The following RTBDN variants were observed in gnomAD, a reference collection of about 807,000 sequenced individuals.
RTBDN encodes the protein retbindin.
In RTBDN, 24 loss-of-function variants were observed where a neutral mutation model predicts 21.9. The observed-to-expected ratio is 1.10, with a 90% CI of 0.79 to 1.54. RTBDN has a LOEUF of 1.54. RTBDN is among the 40% of genes most tolerant of loss of function. The probability of loss-of-function intolerance (pLI) is 0.00; values close to 1 mark genes in which losing one functional copy is unlikely to be tolerated. For missense variants in RTBDN, 325 were observed against 315.2 expected (o/e 1.03, Z -0.23); for synonymous variants, 141 against 125.9 (o/e 1.12, Z -0.80).
chr19:12,834,759 C>CA, upstream of RTBDN: 2 of 1,612,550 alleles, frequency 1.2e-6, no homozygotes, highest in Non-Finnish European at 1.7e-6. This position sits in a 1 kb window ranked among gnomAD's most constrained non-coding sequence, Gnocchi z 4.7. Context: ...AAGGCGGGGA[C>CA]AAACTCAGGT....
At position 12,828,779 on chromosome 19, in the gene RTBDN, G is replaced by A. The variant is rs1264322491; in HGVS notation, c.255-12C>T. 6.2e-7 allele frequency: 1 copy of A among 1,614,070 alleles called. No individual in the cohort carries two copies. The highest frequency in any genetic ancestry group is 1.7e-4 in the Middle Eastern group (1 of 6,060). On this transcript the variant is annotated splice_polypyrimidine_tract_variant and intron_variant, in intron 3 of 5. Coordinates refer to ENST00000674343, the MANE Select transcript of RTBDN (RefSeq NM_001270441.2). ...GGAAGGATTCGCATCTGGACGTTGG[G>A]AGAGATAGGGTCGGATGGGTCAGGA...
In RTBDN at chr19:12,826,778, T is replaced by C. The variant is rs143742194; in HGVS notation, c.459A>G (p.Gly153=). The C allele has an allele frequency of 4.5e-6, 7 of 1,548,038 alleles. No homozygotes were observed. In the African/African-American group the frequency reaches 6.9e-5, roughly 15 times the overall value. ...RGCEPSCLTY[G]QTFADGTDLC... ...TCACCTTCTGCCCCACGCTCACCTG[T>C]CCATAGGTAAGGCAGCTGGGCTCAC... is the stretch of plus-strand genomic sequence containing the variant. The change falls in exon 5 of 6, where the codon GGA becomes GGG. Residue 153 remains glycine (G), a synonymous_variant. Coordinates refer to ENST00000674343, the MANE Select transcript of RTBDN (RefSeq NM_001270441.2).
At chr19:12,827,300 C>T (rs908749869) in intron 4 of RTBDN, among the ~76,000 whole-genome samples, 2 of 150,894 alleles carry the variant, frequency 1.3e-5, no homozygotes, top group African/African-American at 4.9e-5. Context: ...ACTATAGGTG[C>T]GCACCATCAT....
At position 12,834,198 on chromosome 19, in the gene RTBDN, C is replaced by T. The variant is rs1409329708; in HGVS notation, c.-19+291G>A. Among the ~76,000 whole-genome samples, 1 of 152,136 alleles carries T rather than the reference C, an allele frequency of 6.6e-6. No individual in the cohort carries two copies. ...GGGACCCCGCCCCTCAGGCGCCGCC[C>T]GGCGATCCAGGGAGCTGCCGGAGGG... On this transcript the variant is annotated intron_variant, in intron 1 of 5. Transcript: ENST00000674343. This position sits in a 1 kb window ranked among gnomAD's most constrained non-coding sequence, Gnocchi z 4.7.
In RTBDN at chr19:12,825,667, G is replaced by A; in HGVS notation, c.*39C>T. On this transcript the variant is annotated 3_prime_UTR_variant, in exon 6 of 6. Transcript: ENST00000674343. The stretch of plus-strand genomic sequence containing the variant: ...CTGGGTGTCCTGAGGGGCGGGGCTG[G>A]GGGAAGGGTCGCTCCCCCAACTCAG... The A allele has an allele frequency of 1.9e-6, 3 of 1,541,380 alleles. No homozygotes were observed. Among genetic ancestry groups the A allele is most frequent in the Non-Finnish European group, 1.7e-6 (2 of 1,143,858 alleles).
At chr19:12,825,964 G>A in intron 5 of RTBDN, 31 bp from the exon 6 acceptor site, 1 of 1,535,902 alleles carries the variant, frequency 6.5e-7, no homozygotes, top group South Asian at 1.2e-5. Context: ...GGCCCTAGTG[G>A]GCGGAGTCCA....
intron 2 of RTBDN, 149 bp from the exon 3 acceptor site, chr19:12,829,102 T>G (rs1969450894): frequency 6.9e-6 from 9 of 1,303,108 alleles, no homozygotes; most frequent in Non-Finnish European, 9.3e-6. Context: ...GGAATGCAAA[T>G]GCAGCTTCAA....
chr19:12,827,006 T>G, intron 4 of RTBDN, 135 bp from the exon 5 acceptor site: 1 of 655,126 alleles, frequency 1.5e-6, no homozygotes, highest in Non-Finnish European at 2.8e-6. Context: ...ACTCCCCTGC[T>G]AACTAACCCC....
At position 12,829,818 on chromosome 19, in the gene RTBDN, G is replaced by C. The variant is rs1396270692; in HGVS notation, c.162C>G (p.His54Gln). The C allele has an allele frequency of 1.7e-5, 28 of 1,609,992 alleles. No individual in the cohort carries two copies. The highest frequency in any genetic ancestry group is 5.0e-5 in the Admixed American group (3 of 59,920). The change falls in exon 2 of 6, where the codon CAC becomes CAG. Residue 54 changes from histidine (H) to glutamine (Q), a missense_variant. His to Gln is a conservative substitution (Grantham distance 24). Transcript: ENST00000674343. ...LAADLGKGKLHLAGPCCPSEM... is the reference protein window; with the variant it reads ...LAADLGKGKLQLAGPCCPSEM... The stretch of plus-strand genomic sequence containing the variant: ...AGGGTCTGGGGTGCTCACCTGCCAG[G>C]TGCAGCTTGCCTTTGCCCAGATCAG...
chr19:12,828,630 C>G (rs769741274), intron 4 of RTBDN, 27 bp downstream of exon 4: 1 of 1,573,522 alleles, frequency 6.4e-7, no homozygotes, highest in Admixed American at 1.7e-5. Flanking sequence ...AGTCACAACC[C>G]ACGCCCCTTG....
At chr19:12,833,570 A>G (rs1463078192) in intron 1 of RTBDN, among the ~76,000 whole-genome samples, 1 of 152,094 alleles carries the variant, frequency 6.6e-6, no homozygotes, top group African/African-American at 2.4e-5. Context: ...GGATGAATGT[A>G]GAGGGAATGT....
At chr19:12,829,770 T>C in intron 2 of RTBDN, 41 bp downstream of exon 2, 1 of 1,573,658 alleles carries the variant, frequency 6.4e-7, no homozygotes, top group Non-Finnish European at 8.7e-7. Context: ...TAGGTGTGGG[T>C]TTCTGGGTGT....
upstream of RTBDN, chr19:12,834,913 G>A (rs1969705032): frequency 1.3e-6 from 2 of 1,581,756 alleles, no homozygotes; most frequent in Non-Finnish European, 1.7e-6. The surrounding 1 kb of genome is among the most constrained non-coding windows in gnomAD (Gnocchi z 4.7). Flanking sequence ...CAGAGGGGAA[G>A]GTGATGATAT....
intron 4 of RTBDN, among the ~76,000 whole-genome samples, chr19:12,827,960 G>A (rs1478972595): frequency 6.6e-6 from 1 of 151,986 alleles, no homozygotes; most frequent in African/African-American, 2.4e-5. Flanking sequence ...GGGCGTGGTG[G>A]CGGAAGCATG....
At position 12,830,384 on chromosome 19, in the gene RTBDN, T is replaced by C. The variant is rs1969521806; in HGVS notation, c.-18-387A>G. ...TTCAGTAATTCCTCCCTCTCTTCTA[T>C]GCGGCCTCCCTCCTCCCTCTCTCGC... On this transcript the variant is annotated intron_variant, in intron 1 of 5. Transcript: ENST00000674343. This position sits in a 1 kb window ranked among gnomAD's most constrained non-coding sequence, Gnocchi z 4.2. 1.0e-6 allele frequency: 1 copy of C among 995,056 alleles called. No homozygotes were observed. The highest frequency in any genetic ancestry group is 1.1e-4 in the East Asian group (1 of 9,278). 61.6% of individuals were successfully genotyped at this position (995,056 alleles called of 1,614,324 possible).
chr19:12,828,963 G>A lies in RTBDN; in HGVS notation c.170-10C>T. The stretch of plus-strand genomic sequence containing the variant: ...GAGGGACAACAAGGTCCTGGCAAAG[G>A]GGAACCCTGTGAGCTAGGGTCTTGG... On this transcript the variant is annotated splice_polypyrimidine_tract_variant and intron_variant, in intron 2 of 5. Transcript: ENST00000674343. 1.2e-6 allele frequency: 2 copies of A among 1,614,062 alleles called. No individual in the cohort carries two copies. Among genetic ancestry groups the A allele is most frequent in the Non-Finnish European group, 1.7e-6 (2 of 1,179,960 alleles).
intron 1 of RTBDN, among the ~76,000 whole-genome samples, chr19:12,833,561 GA>G (rs1474460175): frequency 6.6e-6 from 1 of 152,106 alleles, no homozygotes; most frequent in African/African-American, 2.4e-5. Context: ...GTCTCTGGGG[GA>G]TGAATGTAGA....
At chr19:12,835,391 C>G, upstream of RTBDN, 1 of 442,312 alleles carries the variant, frequency 2.3e-6, no homozygotes, top group Non-Finnish European at 4.1e-6. Context: ...AGAGCAAGTA[C>G]TGCAGCAGCC....
chr19:12,828,547 G>T, intron 4 of RTBDN, 110 bp downstream of exon 4: 1 of 730,408 alleles, frequency 1.4e-6, no homozygotes. Flanking sequence ...CTTAAACCTT[G>T]GCCCTGTTGG....
Sources: gnomAD v4.1 joint callset for allele counts (sites outside exome capture counted in the v4.1 genomes callset) on GRCh38, gnomAD v4.1.1 for gene constraint, Gnocchi (gnomAD v3.1) non-coding constraint, MANE v1.5 for transcripts, NCBI Gene and HGNC (gene_info 2026-07-23, HGNC 2026-07-21) for gene names.